RIN3: variants seen among roughly 807,000 people sequenced by gnomAD.
RIN3 encodes RAB5 interacting protein 3.
A neutral mutation model predicts 76.3 loss-of-function variants in RIN3; 54 were observed. The ratio of observed to expected loss-of-function variants is 0.71; its 90% CI spans 0.57 to 0.89. The LOEUF is 0.89. Ranked by LOEUF, RIN3 falls within the 40% of genes least tolerant of loss-of-function variation. RIN3 has a pLI of 0.00. For missense variants in RIN3, 1,256 were observed against 1,322.1 expected (o/e 0.95, Z 0.78); for synonymous variants, 576 against 564.0 (o/e 1.02, Z -0.30).
chr14:92,635,050 T>A (rs1317581290), intron 4 of RIN3, among the ~76,000 whole-genome samples: 1 of 152,140 alleles, frequency 6.6e-6, no homozygotes, highest in Non-Finnish European at 1.5e-5. Context: ...GGTTTTTTGT[T>A]GTCAGTGAGT....
At chr14:92,531,241 C>T (rs1896872087) in intron 1 of RIN3, among the ~76,000 whole-genome samples, 2 of 152,230 alleles carry the variant, frequency 1.3e-5, no homozygotes, top group South Asian at 4.2e-4. Flanking sequence ...CACTAGACAC[C>T]AAACCCTGTC....
At chr14:92,620,233 GC>G (rs1263728968) in intron 4 of RIN3, among the ~76,000 whole-genome samples, 1 of 152,230 alleles carries the variant, frequency 6.6e-6, no homozygotes, top group African/African-American at 2.4e-5. Context: ...TTGCTGGCAT[GC>G]CAGGTTTCTG....
intron 1 of RIN3, among the ~76,000 whole-genome samples, chr14:92,536,088 G>T (rs1177398958): frequency 6.6e-6 from 1 of 152,144 alleles, no homozygotes; most frequent in Non-Finnish European, 1.5e-5. Context: ...TGACCTGTGT[G>T]TCTGTCCCTG....
Position 92,688,630 on chromosome 14 carries a change from G to C in RIN3, c.*378G>C, listed in dbSNP as rs1223385594. On this transcript the variant is annotated 3_prime_UTR_variant, in exon 10 of 10. Coordinates refer to ENST00000216487, the MANE Select transcript of RIN3 (RefSeq NM_024832.5). ...CCTCGGTCTTTGCAAAGAAGGGCCC[G>C]AGCTTAGTTTCCCCAGGACTGGCCT... 5 of 254,764 alleles carry C rather than the reference G, an allele frequency of 2.0e-5. No homozygotes were observed. 15.8% of individuals were successfully genotyped at this position (254,764 alleles called of 1,614,324 possible).
At chr14:92,537,073 T>C (rs1322740691) in intron 1 of RIN3, among the ~76,000 whole-genome samples, 1 of 152,176 alleles carries the variant, frequency 6.6e-6, no homozygotes, top group Non-Finnish European at 1.5e-5. Context: ...TTCATGTCCC[T>C]GTTTATACCC....
At chr14:92,630,477 G>A (rs1189663328) in intron 4 of RIN3, among the ~76,000 whole-genome samples, 3 of 152,176 alleles carry the variant, frequency 2.0e-5, no homozygotes, top group African/African-American at 7.2e-5. Flanking sequence ...GAGCAACAAA[G>A]CAGGACCCTG....
chr14:92,632,471 G>A (rs1886622590), intron 4 of RIN3, among the ~76,000 whole-genome samples: 1 of 152,200 alleles, frequency 6.6e-6, no homozygotes, highest in Non-Finnish European at 1.5e-5. Context: ...TCCTTGGAAG[G>A]GGTTTAGCAG....
intron 3 of RIN3, among the ~76,000 whole-genome samples, chr14:92,606,435 C>T (rs957364531): frequency 3.9e-5 from 6 of 152,226 alleles, no homozygotes; most frequent in Admixed American, 3.3e-4. Context: ...GTTCCAGCTA[C>T]TTGGGAGGCT....
chr14:92,569,972 G>A lies in RIN3; in HGVS notation c.250-7388G>A, dbSNP rs112209445. Among the ~76,000 whole-genome samples the A allele has an allele frequency of 4.9e-3, 745 of 152,214 alleles. 7 individuals carry two copies. Among genetic ancestry groups the A allele is most frequent in the African/African-American group, 0.017 (704 of 41,518 alleles). ...GAAAAAGAAATTTTGGGTGGCATTC[G>A]CAGTAATGGGTCATGACGTGCAGTC... On this transcript the variant is annotated intron_variant, in intron 2 of 9. Transcript: ENST00000216487.
intron 4 of RIN3, among the ~76,000 whole-genome samples, chr14:92,633,889 G>A (rs1886679575): frequency 6.6e-6 from 1 of 151,962 alleles, no homozygotes; most frequent in South Asian, 2.1e-4. Flanking sequence ...GTTTGTATGT[G>A]TGTGTGCATG....
chr14:92,676,702 G>A (rs12886618), intron 8 of RIN3, 96 bp downstream of exon 8: 450,577 of 1,350,716 alleles, frequency 0.33, 77,283 homozygotes, highest in Non-Finnish European at 0.35. Context: ...CCTCCTGGAT[G>A]CCAGACTCTG....
intron 7 of RIN3, among the ~76,000 whole-genome samples, chr14:92,674,906 G>A (rs55955409): frequency 1.8e-4 from 23 of 126,372 alleles, no homozygotes; most frequent in Admixed American, 1.6e-3. Context: ...AAAAAAAAAA[G>A]GGAAAAGAAA....
Position 92,652,082 on chromosome 14 carries a change from C to T in RIN3, c.1033C>T (p.Pro345Ser). The T allele has an allele frequency of 6.2e-7, 1 of 1,604,796 alleles. No homozygotes were observed. The highest frequency in any genetic ancestry group is 8.5e-7 in the Non-Finnish European group (1 of 1,179,772). The change falls in exon 6 of 10, where the codon CCA (proline) becomes TCA (serine). Residue 345 changes from proline (P) to serine (S), a missense_variant. By Grantham distance (74) the Pro-to-Ser change is moderately conservative (BLOSUM62 -1). Around this residue, in one of 3 missense-constraint regions of RIN3, gnomAD observed 610 missense variants for 626.4 expected, o/e 0.97. Coordinates refer to ENST00000216487, the MANE Select transcript of RIN3 (RefSeq NM_024832.5). This position sits in a 1 kb window ranked among gnomAD's most constrained non-coding sequence, Gnocchi z 6.4. ...GCCCATGATGACCTGCGAGAGACTC[C>T]CATGCCCCACTGCAGGCCTGGGCCC... The part of the protein sequence containing the change: ...QPPMMTCERL[P>S]CPTAGLGPLR...
At chr14:92,639,498 G>A (rs111722935) in intron 4 of RIN3, among the ~76,000 whole-genome samples, 122 of 152,262 alleles carry the variant, frequency 8.0e-4, no homozygotes, top group Admixed American at 1.7e-3. Flanking sequence ...AGGAAGGAGC[G>A]GGAGACATGG....
chr14:92,526,484 G>A lies in RIN3; in HGVS notation c.44+12508G>A, dbSNP rs1279676826. On this transcript the variant is annotated intron_variant, in intron 1 of 9. Transcript: ENST00000216487. ...AAAAAAAATAAATGGGCCGGGCGCA[G>A]TGGCTCAAGCCTATAATTCTAGCAC... 2.0e-5 allele frequency among the ~76,000 whole-genome samples: 3 copies of A among 152,098 alleles called. No homozygotes were observed. The East Asian group carries it at 5.8e-4, about 29-fold the overall frequency.
At chr14:92,533,792 C>T (rs555110878) in intron 1 of RIN3, among the ~76,000 whole-genome samples, 5 of 152,168 alleles carry the variant, frequency 3.3e-5, no homozygotes, top group African/African-American at 1.2e-4. Flanking sequence ...GATGGGTGTA[C>T]CAAAATCTCA....
chr14:92,617,650 C>A (rs1347302316), intron 4 of RIN3, among the ~76,000 whole-genome samples: 1 of 152,184 alleles, frequency 6.6e-6, no homozygotes, highest in Non-Finnish European at 1.5e-5. Context: ...ATGCTCCTTA[C>A]CCAAGGTCCC....
At chr14:92,666,163 C>T (rs1379205738) in intron 7 of RIN3, among the ~76,000 whole-genome samples, 1 of 152,194 alleles carries the variant, frequency 6.6e-6, no homozygotes, top group Non-Finnish European at 1.5e-5. Flanking sequence ...CCCCTCACCT[C>T]CAGGGAAGAT....
chr14:92,567,341 A>G (rs1842482422), intron 2 of RIN3, among the ~76,000 whole-genome samples: 3 of 152,164 alleles, frequency 2.0e-5, no homozygotes, highest in African/African-American at 4.8e-5. Context: ...TCACAATTCT[A>G]TGGCTCAGCA....
Sources: gnomAD v4.1 joint callset for allele counts (sites outside exome capture counted in the v4.1 genomes callset) on GRCh38, gnomAD v4.1.1 for gene constraint, gnomAD v4.1.1 regional missense constraint, Gnocchi (gnomAD v3.1) non-coding constraint, MANE v1.5 for transcripts, NCBI Gene and HGNC (gene_info 2026-07-23, HGNC 2026-07-21) for gene names.